Variants in APOLD1 observed in about 807,000 individuals in gnomAD.
The protein encoded by APOLD1 is apolipoprotein L domain-containing protein 1.
A neutral mutation model predicts 15.3 loss-of-function variants in APOLD1; 22 were observed. The ratio of observed to expected loss-of-function variants is 1.44; its 90% CI spans 1.03 to 2.05. APOLD1 has a LOEUF of 2.05. APOLD1 is among the 30% of genes most tolerant of loss of function. The probability of loss-of-function intolerance (pLI) is 0.00; values close to 1 mark genes in which losing one functional copy is unlikely to be tolerated. For synonymous variants in APOLD1, 190 were observed against 167.4 expected, an observed-to-expected ratio of 1.13 and a Z score of -1.04; for missense variants, 394 against 353.5, an observed-to-expected ratio of 1.11 and a Z score of -0.92.
At chr12:12,782,281 AC>A (rs1947087248), upstream of APOLD1, among the ~76,000 whole-genome samples, 3 of 151,786 alleles carry the variant, frequency 2.0e-5, no homozygotes, top group Admixed American at 6.6e-5. Flanking sequence ...AAACAAACAA[AC>A]AAACAAACAA....
At chr12:12,779,248 A>G (rs1389211041) in intron 1 of APOLD1, among the ~76,000 whole-genome samples, 1 of 151,896 alleles carries the variant, frequency 6.6e-6, no homozygotes, top group African/African-American at 2.4e-5. Context: ...ACCAGCACAC[A>G]CCCCGGCACT....
rs140119597 is a variant in APOLD1 at position 12,726,957 on chromosome 12, C to A, written c.96+861C>A. Among the ~76,000 whole-genome samples, 51 of 152,334 alleles carry A rather than the reference C, an allele frequency of 3.3e-4. 2 individuals carry two copies. The East Asian group carries it at 8.3e-3, about 25-fold the overall frequency. ...CTAGCCTCAGGAAGCAGTGAGCTCACCATCCCTGGAGTGTGAGTCAAGCAC... is the reference window on the plus strand; with the variant it reads ...CTAGCCTCAGGAAGCAGTGAGCTCAACATCCCTGGAGTGTGAGTCAAGCAC... On this transcript the variant is annotated intron_variant, in intron 1 of 1. Coordinates refer to the APOLD1 transcript ENST00000326765.
At position 12,787,371 on chromosome 12, in the gene APOLD1, G is replaced by T. The variant is rs1178636453; in HGVS notation, c.466G>T (p.Gly156Trp). 4 of 1,614,100 alleles carry T rather than the reference G, an allele frequency of 2.5e-6. No homozygotes were observed. The highest frequency in any genetic ancestry group is 2.5e-6 in the Non-Finnish European group (3 of 1,180,030). Residue 156 changes from glycine (G) to tryptophan (W), a missense_variant, in exon 2 of 2, where the codon GGG becomes TGG. Transcript: ENST00000356591. This position sits in a 1 kb window ranked among gnomAD's most constrained non-coding sequence, Gnocchi z 4.9. ...GCGDRQLLQC[G>W]RNASIALYNS... is the part of the protein sequence containing the mutation. The stretch of plus-strand genomic sequence containing the variant: ...CGGGGACCGCCAGCTGCTGCAGTGC[G>T]GGAGGAACGCCTCCATCGCCCTGTA...
chr12:12,739,349 AAGC>A (rs1200163911), intron 1 of APOLD1, among the ~76,000 whole-genome samples: 1 of 152,236 alleles, frequency 6.6e-6, no homozygotes, highest in Non-Finnish European at 1.5e-5. Flanking sequence ...CTTTAAAAAG[AAGC>A]AGGCAAAAGC....
chr12:12,756,469 G>T (rs928646357), intron 1 of APOLD1, among the ~76,000 whole-genome samples: 3 of 152,148 alleles, frequency 2.0e-5, no homozygotes, highest in African/African-American at 7.2e-5. Context: ...TTGGTAAATT[G>T]TATAGTGAAT....
rs1354304533 is a variant in APOLD1 at position 12,787,292 on chromosome 12, C to A, written c.387C>A (p.Asp129Glu). The change falls in exon 2 of 2, where the codon GAC (aspartate) becomes GAA (glutamate). Residue 129 changes from aspartate (D) to glutamate (E), a missense_variant. Asp to Glu is a conservative substitution (Grantham distance 45). Transcript: ENST00000356591. This position sits in a 1 kb window ranked among gnomAD's most constrained non-coding sequence, Gnocchi z 4.9. Reference sequence around the variant, plus strand: ...AGGAGATCGCGGCCACCTGCCAGGACCAGATGCGAGAGATCCTGAGCTGCC... The same window carrying A: ...AGGAGATCGCGGCCACCTGCCAGGAACAGATGCGAGAGATCCTGAGCTGCC... ...RVQEIAATCQDQMREILSCLE... is the reference protein window; with the variant it reads ...RVQEIAATCQEQMREILSCLE... The A allele has an allele frequency of 5.0e-6, 8 of 1,609,100 alleles. No individual in the cohort carries two copies. Among genetic ancestry groups the A allele is most frequent in the Non-Finnish European group, 6.8e-6 (8 of 1,178,218 alleles).
intron 1 of APOLD1, among the ~76,000 whole-genome samples, chr12:12,735,047 AC>A (rs1462788938): frequency 6.6e-6 from 1 of 151,672 alleles, no homozygotes; most frequent in Non-Finnish European, 1.5e-5. Flanking sequence ...TAAAATCGAA[AC>A]TCTTTCCCCA....
chr12:12,785,707 C>A lies in APOLD1; in HGVS notation c.3+13C>A, dbSNP rs758404143. Reference sequence around the variant, plus strand: ...ACAGAAGTGAATGGTAAGTGGGGAACCCTGAGGCATATATTCGGGATGACT... The same window carrying A: ...ACAGAAGTGAATGGTAAGTGGGGAAACCTGAGGCATATATTCGGGATGACT... On this transcript the variant is annotated intron_variant, in intron 1 of 1. Transcript: ENST00000356591. 10 of 1,611,326 alleles carry A rather than the reference C, an allele frequency of 6.2e-6. No individual in the cohort carries two copies. Among genetic ancestry groups the A allele is most frequent in the Non-Finnish European group, 8.5e-6 (10 of 1,177,546 alleles).
intron 1 of APOLD1, among the ~76,000 whole-genome samples, chr12:12,775,745 A>G (rs1947026818): frequency 6.6e-6 from 1 of 152,308 alleles, no homozygotes; most frequent in African/African-American, 2.4e-5. Context: ...TATGCCTGTA[A>G]TCCCAGCACT....
chr12:12,741,371 TA>T (rs1039646415), intron 1 of APOLD1, among the ~76,000 whole-genome samples: 65 of 152,308 alleles, frequency 4.3e-4, no homozygotes, highest in African/African-American at 1.6e-3. Context: ...CACACCCAGC[TA>T]ATTTAGAACA....
At chr12:12,776,059 G>A (rs1288750521) in intron 1 of APOLD1, among the ~76,000 whole-genome samples, 8 of 121,708 alleles carry the variant, frequency 6.6e-5, no homozygotes, top group Admixed American at 6.5e-4. Context: ...ATTAATAAAA[G>A]CAAATAAGGA....
chr12:12,774,765 A>G (rs1164644912), intron 1 of APOLD1, among the ~76,000 whole-genome samples: 3 of 152,100 alleles, frequency 2.0e-5, no homozygotes, highest in Non-Finnish European at 1.5e-5. Flanking sequence ...TTACATATTG[A>G]TTAGAATGGC....
At chr12:12,780,842 G>C (rs2136397988), upstream of APOLD1, among the ~76,000 whole-genome samples, 1 of 150,194 alleles carries the variant, frequency 6.7e-6, no homozygotes, top group African/African-American at 2.4e-5. Flanking sequence ...TTCCACCTCA[G>C]CCTCCCAAAG....
Position 12,786,889 on chromosome 12 carries a change from G to C in APOLD1, c.4-20G>C. 3 of 1,410,604 alleles carry C rather than the reference G, an allele frequency of 2.1e-6. No homozygotes were observed. Among genetic ancestry groups the C allele is most frequent in the Non-Finnish European group, 2.7e-6 (3 of 1,093,974 alleles). 87.4% of individuals were successfully genotyped at this position (1,410,604 alleles called of 1,614,324 possible). ...CTGGCACGGAGACTCCAGGCTGACC[G>C]CGTGTCTATGTCCCCGCAGGGAATG... On this transcript the variant is annotated intron_variant, in intron 1 of 1. Transcript: ENST00000356591.
intron 1 of APOLD1, among the ~76,000 whole-genome samples, chr12:12,731,802 A>G (rs1209691482): frequency 6.6e-6 from 1 of 152,168 alleles, no homozygotes; most frequent in African/African-American, 2.4e-5. Context: ...CCTCCTTTCT[A>G]CCTAAGGGTT....
chr12:12,782,518 A>C (rs1947089274), upstream of APOLD1, among the ~76,000 whole-genome samples: 1 of 152,210 alleles, frequency 6.6e-6, no homozygotes, highest in South Asian at 2.1e-4. Context: ...GTTCAGCTGC[A>C]TCAAGAGTTT....
intron 1 of APOLD1, among the ~76,000 whole-genome samples, chr12:12,736,718 A>G (rs1199321659): frequency 2.0e-5 from 3 of 152,212 alleles, no homozygotes; most frequent in East Asian, 1.9e-4. Flanking sequence ...AACATAAACA[A>G]TCGAGTTTTC....
At chr12:12,778,362 C>G (rs1241081309) in intron 1 of APOLD1, among the ~76,000 whole-genome samples, 4 of 151,784 alleles carry the variant, frequency 2.6e-5, no homozygotes, top group Non-Finnish European at 4.4e-5. Flanking sequence ...GTCTGTTGCC[C>G]AGGCTGGAGT....
chr12:12,775,185 G>T (rs569680450), intron 1 of APOLD1, among the ~76,000 whole-genome samples: 1 of 152,326 alleles, frequency 6.6e-6, no homozygotes, highest in South Asian at 2.1e-4. Context: ...GTAAATGAAA[G>T]AAGCCAATCT....
Sources: allele counts gnomAD v4.1 joint callset (sites outside exome capture counted in the v4.1 genomes callset), GRCh38; gene constraint gnomAD v4.1.1; non-coding constraint Gnocchi (gnomAD v3.1); transcripts MANE v1.5; gene names NCBI Gene and HGNC (gene_info 2026-07-23, HGNC 2026-07-21).